The following PDE1A variants were observed in gnomAD, a reference collection of about 807,000 sequenced individuals.
PDE1A encodes dual specificity calcium/calmodulin-dependent 3',5'-cyclic nucleotide phosphodiesterase 1A.
A neutral mutation model predicts 61.7 loss-of-function variants in PDE1A; 35 were observed. The observed-to-expected ratio is 0.57, with a 90% CI of 0.43 to 0.75. The LOEUF (loss-of-function observed/expected upper bound fraction) is 0.75. Ranked by LOEUF, PDE1A falls within the 30% of genes least tolerant of loss-of-function variation. PDE1A has a pLI of 0.00. For missense variants in PDE1A, 597 were observed against 630.6 expected (o/e 0.95, Z 0.57); for synonymous variants, 232 against 213.2 (o/e 1.09, Z -0.77).
the PDE1A span, among the ~76,000 whole-genome samples, chr2:182,588,034 G>A: frequency 6.6e-6 from 1 of 152,180 alleles, no homozygotes; most frequent in East Asian, 1.9e-4. Flanking sequence ...ATGTGGTTTT[G>A]ATATGTGAAG....
intron 2 of PDE1A, among the ~76,000 whole-genome samples, chr2:182,432,123 C>A (rs1703981109): frequency 6.6e-6 from 1 of 152,068 alleles, no homozygotes; most frequent in South Asian, 2.1e-4. Context: ...CCCTTCAACT[C>A]CCTGTATGTC....
chr2:182,377,971 T>C (rs184291229), intron 1 of PDE1A, among the ~76,000 whole-genome samples: 1,899 of 152,040 alleles, frequency 0.012, 24 homozygotes, highest in South Asian at 0.048. Flanking sequence ...CTCAGCCTCC[T>C]GAGTAGCTGG....
chr2:182,447,576 T>A (rs1685227093), intron 2 of PDE1A, among the ~76,000 whole-genome samples: 1 of 151,978 alleles, frequency 6.6e-6, no homozygotes, highest in Non-Finnish European at 1.5e-5. Context: ...GACTAAGGGA[T>A]CCCTTCTATA....
intron 1 of PDE1A, among the ~76,000 whole-genome samples, chr2:182,367,296 G>T (rs930463929): frequency 6.6e-6 from 1 of 151,934 alleles, no homozygotes; most frequent in Non-Finnish European, 1.5e-5. Context: ...CTTATGACTA[G>T]AATCACTAGA....
intron 1 of PDE1A, among the ~76,000 whole-genome samples, chr2:182,385,630 A>AAG (rs148746363): frequency 0.2 from 18,775 of 92,162 alleles, 4,457 homozygotes; most frequent in South Asian, 0.37. Flanking sequence ...AGAAAGAAAG[A>AAG]AAGAAAGAAG....
chr2:182,598,018 C>A, the PDE1A span, among the ~76,000 whole-genome samples: 1 of 152,208 alleles, frequency 6.6e-6, no homozygotes, highest in Non-Finnish European at 1.5e-5. Context: ...ATTTAAGCGA[C>A]TAAGTCAGCC....
intron 2 of PDE1A, among the ~76,000 whole-genome samples, chr2:182,457,406 A>G (rs1685996415): frequency 6.6e-6 from 1 of 152,080 alleles, no homozygotes; most frequent in African/African-American, 2.4e-5. Flanking sequence ...AGATTTCTTC[A>G]GCCATCTGCC....
the PDE1A span, among the ~76,000 whole-genome samples, chr2:182,547,262 C>T: frequency 4.6e-5 from 7 of 152,136 alleles, no homozygotes; most frequent in African/African-American, 1.7e-4. Context: ...AACGATCAGC[C>T]TACCCTTTCT....
At chr2:182,358,311 A>G (rs758090886) in intron 1 of PDE1A, among the ~76,000 whole-genome samples, 31 of 152,008 alleles carry the variant, frequency 2.0e-4, no homozygotes, top group Non-Finnish European at 4.1e-4. Flanking sequence ...ACTACTTCTT[A>G]AATTTACCTT....
At chr2:182,288,325 C>A (rs1251373310) in intron 1 of PDE1A, among the ~76,000 whole-genome samples, 1 of 152,078 alleles carries the variant, frequency 6.6e-6, no homozygotes, top group Non-Finnish European at 1.5e-5. Flanking sequence ...CAAAGGTAAT[C>A]GCCGTACACA....
At chr2:182,626,774 T>TATATATAC in the PDE1A span, among the ~76,000 whole-genome samples, 5 of 3,834 alleles carry the variant, frequency 1.3e-3, no homozygotes, top group Non-Finnish European at 3.2e-3. Context: ...TATATATACA[T>TATATATAC]ATATATACAT....
At chr2:182,575,928 CTATA>C in the PDE1A span, among the ~76,000 whole-genome samples, 6 of 145,662 alleles carry the variant, frequency 4.1e-5, no homozygotes, top group South Asian at 8.5e-4. Flanking sequence ...TATTATTATA[CTATA>C]TATAGTATTA....
intron 2 of PDE1A, among the ~76,000 whole-genome samples, chr2:182,251,159 T>C (rs1318424133): frequency 6.6e-6 from 1 of 152,206 alleles, no homozygotes; most frequent in Non-Finnish European, 1.5e-5. Flanking sequence ...ATAAGCATCC[T>C]GTGTAGTTAG....
intron 2 of PDE1A, among the ~76,000 whole-genome samples, chr2:182,460,343 C>A (rs1686200165): frequency 1.3e-5 from 2 of 152,144 alleles, no homozygotes; most frequent in African/African-American, 4.8e-5. Flanking sequence ...TTCCCATCAC[C>A]AGTTCGACCT....
intron 1 of PDE1A, among the ~76,000 whole-genome samples, chr2:182,385,663 A>G (rs1267951532): frequency 6.1e-4 from 67 of 110,214 alleles, no homozygotes; most frequent in East Asian, 1.6e-3. Flanking sequence ...AAGAAAGAAG[A>G]AAAAAAGAAA....
At chr2:182,682,147 T>C in the PDE1A span, among the ~76,000 whole-genome samples, 1 of 152,308 alleles carries the variant, frequency 6.6e-6, no homozygotes. Flanking sequence ...TCCATATGCC[T>C]TTTACCTGAG....
intron 1 of PDE1A, among the ~76,000 whole-genome samples, chr2:182,352,487 G>T (rs954035354): frequency 6.6e-6 from 1 of 151,950 alleles, no homozygotes; most frequent in African/African-American, 2.4e-5. Flanking sequence ...CAAAAATGGG[G>T]CTCAAATATA....
At chr2:182,222,585 T>C (rs1169007925) in intron 7 of PDE1A, among the ~76,000 whole-genome samples, 1 of 152,024 alleles carries the variant, frequency 6.6e-6, no homozygotes, top group Non-Finnish European at 1.5e-5. Flanking sequence ...TAATCAATTG[T>C]AACAAATATC....
chr2:182,363,259 A>C (rs1699617520), intron 1 of PDE1A, among the ~76,000 whole-genome samples: 1 of 152,090 alleles, frequency 6.6e-6, no homozygotes, highest in Admixed American at 6.6e-5. Context: ...GTTAACATTT[A>C]GTAACTAATA....
Sources: gnomAD v4.1 joint callset for allele counts (sites outside exome capture counted in the v4.1 genomes callset) on GRCh38, gnomAD v4.1.1 for gene constraint, MANE v1.5 for transcripts, NCBI Gene and HGNC (gene_info 2026-07-23, HGNC 2026-07-21) for gene names.